Variants in SMYD2 observed in about 807,000 individuals in gnomAD.
SMYD2 encodes the protein SET and MYND domain containing 2, also known as N-lysine methyltransferase SMYD2.
SMYD2 carries 53 observed loss-of-function variants against 59.1 expected under a neutral mutation model. The ratio of observed to expected loss-of-function variants is 0.90; its 90% CI spans 0.72 to 1.13. The LOEUF (loss-of-function observed/expected upper bound fraction) is 1.13, where lower values mean the gene tolerates loss of function less well. SMYD2 is among the 50% of genes most tolerant of loss of function. The pLI is 0.00. For missense variants in SMYD2, 494 were observed against 544.7 expected (o/e 0.91, Z 0.93); for synonymous variants, 208 against 198.8 (o/e 1.05, Z -0.39).
chr1:214,335,972 G>A (rs1243228913), intron 11 of SMYD2, among the ~76,000 whole-genome samples: 1 of 152,150 alleles, frequency 6.6e-6, no homozygotes, highest in Non-Finnish European at 1.5e-5. Context: ...CGTCTTGCAG[G>A]TTAGTAATGT....
At position 214,318,100 on chromosome 1, in the gene SMYD2, C is replaced by T; in HGVS notation, c.370C>T (p.Pro124Ser). 1 of 1,613,976 alleles carries T rather than the reference C, an allele frequency of 6.2e-7. No homozygotes were observed. ...AKQKIHPERT[P>S]SEKLLAVKEF... ...CTAGAAAATCCACCCAGAGAGAACACCTTCGGAAAAATTGTTAGCTGTGAA... is the reference window on the plus strand; with the variant it reads ...CTAGAAAATCCACCCAGAGAGAACATCTTCGGAAAAATTGTTAGCTGTGAA... Residue 124 changes from proline to serine, a missense_variant, in exon 4 of 12, where the codon CCT becomes TCT. Pro to Ser is a moderately conservative substitution (Grantham distance 74, BLOSUM62 -1). Coordinates refer to ENST00000366957, the MANE Select transcript of SMYD2 (RefSeq NM_020197.3). This position sits in a 1 kb window ranked among gnomAD's most constrained non-coding sequence, Gnocchi z 5.4.
chr1:214,305,172 C>T lies in SMYD2; in HGVS notation c.174-15C>T. On this transcript the variant is annotated splice_polypyrimidine_tract_variant and intron_variant, in intron 1 of 11. Coordinates refer to ENST00000366957, the MANE Select transcript of SMYD2 (RefSeq NM_020197.3). ...CTGTGTCTGTCACCACTACAGTGCCCTTTCTGTTTTTAAGGAAAGAAGGAT... is the reference window on the plus strand; with the variant it reads ...CTGTGTCTGTCACCACTACAGTGCCTTTTCTGTTTTTAAGGAAAGAAGGAT... 1 of 1,613,758 alleles carries T rather than the reference C, an allele frequency of 6.2e-7. No homozygotes were observed. Among genetic ancestry groups the T allele is most frequent in the Non-Finnish European group, 8.5e-7 (1 of 1,179,662 alleles).
chr1:214,336,630 C>T (rs1657443617), intron 11 of SMYD2, 74 bp from the exon 12 acceptor site: 1 of 1,422,698 alleles, frequency 7.0e-7, no homozygotes, highest in Non-Finnish European at 9.8e-7. Flanking sequence ...AGAGATCCAA[C>T]TTAAAGTTAC....
chr1:214,303,993 T>TG (rs976008647), intron 1 of SMYD2, among the ~76,000 whole-genome samples: 45 of 152,288 alleles, frequency 3.0e-4, no homozygotes, highest in African/African-American at 1.0e-3. Context: ...GTTCCCCACT[T>TG]GGGAAAAAAG....
chr1:214,284,354 C>T (rs1175565365), intron 1 of SMYD2, among the ~76,000 whole-genome samples: 3 of 149,304 alleles, frequency 2.0e-5, no homozygotes, highest in African/African-American at 5.0e-5. Context: ...TCCACCTCCC[C>T]GGTTCAAGCA....
chr1:214,325,626 A>C (rs1657247478), intron 6 of SMYD2, among the ~76,000 whole-genome samples: 1 of 151,958 alleles, frequency 6.6e-6, no homozygotes. Flanking sequence ...GGTCAGAAAG[A>C]GAAGAATCCG....
chr1:214,324,541 A>G, intron 5 of SMYD2, 100 bp from the exon 6 acceptor site: 1 of 1,060,554 alleles, frequency 9.4e-7, no homozygotes, highest in Non-Finnish European at 1.4e-6. Context: ...ACACCAAAAC[A>G]TCTTCCTAAT....
intron 1 of SMYD2, among the ~76,000 whole-genome samples, chr1:214,300,582 A>G (rs116376383): frequency 0.012 from 1,894 of 152,296 alleles, 22 homozygotes; most frequent in African/African-American, 0.043. Context: ...AGAGTAAAGC[A>G]TGCCTCTCCT....
At chr1:214,324,123 G>C (rs1450662925) in intron 5 of SMYD2, among the ~76,000 whole-genome samples, 1 of 151,980 alleles carries the variant, frequency 6.6e-6, no homozygotes, top group Non-Finnish European at 1.5e-5. Flanking sequence ...TTTTAGTAGA[G>C]ATGGGGTTTC....
At position 214,336,692 on chromosome 1, in the gene SMYD2, G is replaced by A. The variant is rs1352568458; in HGVS notation, c.1222-12G>A. On this transcript the variant is annotated splice_polypyrimidine_tract_variant and intron_variant, in intron 11 of 11. Coordinates refer to ENST00000366957, the MANE Select transcript of SMYD2 (RefSeq NM_020197.3). Reference sequence around the variant, plus strand: ...CTTCTAGGCTCTCATTGTTTGTCTTGCTTTTTCCTAGGCCATTGCAATCAT... The same window carrying A: ...CTTCTAGGCTCTCATTGTTTGTCTTACTTTTTCCTAGGCCATTGCAATCAT... 2 of 1,612,872 alleles carry A rather than the reference G, an allele frequency of 1.2e-6. No individual in the cohort carries two copies. The highest frequency in any genetic ancestry group is 1.7e-5 in the Admixed American group (1 of 59,798).
chr1:214,336,642 C>T, intron 11 of SMYD2, 62 bp from the exon 12 acceptor site: 1 of 1,495,584 alleles, frequency 6.7e-7, no homozygotes, highest in South Asian at 1.2e-5. Context: ...TAAAGTTACC[C>T]TGGGTGGAGG....
intron 1 of SMYD2, among the ~76,000 whole-genome samples, chr1:214,303,041 T>G (rs1208844956): frequency 6.6e-6 from 1 of 152,160 alleles, no homozygotes; most frequent in Non-Finnish European, 1.5e-5. Flanking sequence ...AGCAAAGCCC[T>G]TGAAATTTTA....
At chr1:214,335,114 T>G (rs115193661) in intron 11 of SMYD2, among the ~76,000 whole-genome samples, 1,669 of 152,338 alleles carry the variant, frequency 0.011, 15 homozygotes, top group African/African-American at 0.037. Context: ...GATAGTCCAT[T>G]TACTCCTGTA....
At chr1:214,307,883 G>T (rs1656940098) in intron 2 of SMYD2, among the ~76,000 whole-genome samples, 1 of 152,202 alleles carries the variant, frequency 6.6e-6, no homozygotes, top group African/African-American at 2.4e-5. Flanking sequence ...TCTACAACAA[G>T]AAGTTGAACA....
At chr1:214,302,467 A>G (rs1656841657) in intron 1 of SMYD2, among the ~76,000 whole-genome samples, 1 of 152,190 alleles carries the variant, frequency 6.6e-6, no homozygotes, top group Non-Finnish European at 1.5e-5. Flanking sequence ...TAAAACAGTG[A>G]GAAAAAAAGC....
intron 1 of SMYD2, among the ~76,000 whole-genome samples, chr1:214,285,202 A>C (rs1002010604): frequency 6.6e-6 from 1 of 152,066 alleles, no homozygotes; most frequent in Non-Finnish European, 1.5e-5. Context: ...TTTTTTCCTC[A>C]TGTCCCCCAG....
intron 1 of SMYD2, among the ~76,000 whole-genome samples, chr1:214,290,486 C>T (rs1656618394): frequency 6.6e-6 from 1 of 152,158 alleles, no homozygotes; most frequent in South Asian, 2.1e-4. Flanking sequence ...AAGTGCTTAT[C>T]TTTGGCAAGT....
At chr1:214,303,570 A>G (rs1656860914) in intron 1 of SMYD2, among the ~76,000 whole-genome samples, 1 of 152,206 alleles carries the variant, frequency 6.6e-6, no homozygotes, top group Non-Finnish European at 1.5e-5. Flanking sequence ...CAACCCCAAG[A>G]CGCGTTTTTC....
At chr1:214,314,675 C>T (rs540228475) in intron 2 of SMYD2, 87 bp from the exon 3 acceptor site, 22 of 930,804 alleles carry the variant, frequency 2.4e-5, no homozygotes, top group Non-Finnish European at 3.4e-5. Context: ...TTGACCTTAA[C>T]TAGGGGGACT....
Sources: allele counts gnomAD v4.1 joint callset (sites outside exome capture counted in the v4.1 genomes callset), GRCh38; gene constraint gnomAD v4.1.1; non-coding constraint Gnocchi (gnomAD v3.1); transcripts MANE v1.5; gene names NCBI Gene and HGNC (gene_info 2026-07-23, HGNC 2026-07-21).